Variants in ECPAS observed in about 807,000 individuals in gnomAD.
The protein encoded by ECPAS is proteasome adapter and scaffold protein ECM29.
A neutral mutation model predicts 255.1 loss-of-function variants in ECPAS; 70 were observed. The observed-to-expected ratio is 0.27, with a 90% CI of 0.23 to 0.33. The LOEUF (loss-of-function observed/expected upper bound fraction) is 0.33, where lower values mean the gene tolerates loss of function less well. Ranked by LOEUF, ECPAS falls within the 10% of genes least tolerant of loss-of-function variation. The pLI, the probability that ECPAS is intolerant of heterozygous loss-of-function variation, is 1.00. For synonymous variants in ECPAS, 784 were observed against 775.0 expected, an observed-to-expected ratio of 1.01 and a Z score of -0.19; for missense variants, 1,817 against 2,206.4, an observed-to-expected ratio of 0.82 and a Z score of 3.54.
At chr9:111,444,516 A>G (rs2098250207) in intron 3 of ECPAS, 22 bp from the exon 4 acceptor site, 4 of 1,467,832 alleles carry the variant, frequency 2.7e-6, no homozygotes, top group Non-Finnish European at 3.8e-6. Flanking sequence ...AGAGATGGGA[A>G]CTAAAGTTAT....
At chr9:111,430,150 C>T (rs1015768379) in intron 9 of ECPAS, among the ~76,000 whole-genome samples, 1 of 152,164 alleles carries the variant, frequency 6.6e-6, no homozygotes, top group Middle Eastern at 3.2e-3. Context: ...GAAAACTACA[C>T]AAAATTCAAA....
At chr9:111,380,974 C>G (rs2098139869) in intron 35 of ECPAS, among the ~76,000 whole-genome samples, 1 of 152,204 alleles carries the variant, frequency 6.6e-6, no homozygotes, top group African/African-American at 2.4e-5. Flanking sequence ...CCAGAATATT[C>G]AAACTTTCTC....
intron 2 of ECPAS, among the ~76,000 whole-genome samples, chr9:111,458,180 C>T (rs1377777625): frequency 2.6e-5 from 4 of 152,066 alleles, no homozygotes; most frequent in African/African-American, 4.8e-5. Context: ...AAGGAGCCAA[C>T]GGACCTATAT....
At chr9:111,428,018 T>A in intron 10 of ECPAS, 24 bp downstream of exon 10, 1 of 1,609,458 alleles carries the variant, frequency 6.2e-7, no homozygotes, top group Non-Finnish European at 8.5e-7. Context: ...GACAGGCCAA[T>A]ATTCTCTGGA....
chr9:111,406,807 G>C (rs1029448666), intron 24 of ECPAS, among the ~76,000 whole-genome samples: 3 of 149,110 alleles, frequency 2.0e-5, no homozygotes, highest in Non-Finnish European at 4.4e-5. Flanking sequence ...AGGAGGTGAG[G>C]TGGGAGGATG....
intron 1 of ECPAS, among the ~76,000 whole-genome samples, chr9:111,477,216 C>A (rs1466068163): frequency 6.6e-6 from 1 of 152,026 alleles, no homozygotes; most frequent in Non-Finnish European, 1.5e-5. Flanking sequence ...TCAAGCAATT[C>A]TCCTGCCTCA....
intron 33 of ECPAS, 34 bp from the exon 34 acceptor site, chr9:111,384,603 T>TA (rs1230777837): frequency 1.3e-5 from 21 of 1,602,104 alleles, no homozygotes; most frequent in Non-Finnish European, 1.5e-5. Flanking sequence ...TCATACAAGT[T>TA]AGAGAGTTTC....
At chr9:111,419,267 C>T (rs929869360) in intron 16 of ECPAS, among the ~76,000 whole-genome samples, 5 of 151,646 alleles carry the variant, frequency 3.3e-5, no homozygotes, top group Admixed American at 6.6e-5. Flanking sequence ...TCCCTGATAA[C>T]AAAAAAGAAA....
intron 15 of ECPAS, 84 bp from the exon 16 acceptor site, chr9:111,420,204 A>G: frequency 1.2e-6 from 1 of 846,356 alleles, no homozygotes; most frequent in South Asian, 1.5e-5. Context: ...ATTCCAATCA[A>G]GATGAGTCTT....
At position 111,361,881 on chromosome 9, in the gene ECPAS, C is replaced by A. The variant is rs1456837295; in HGVS notation, c.*149G>T. The stretch of plus-strand genomic sequence containing the variant: ...AAAGTAAAATAAAGCTAATAAGGAA[C>A]AAAATTTAAGGCTTTTTCTTTTTAT... On this transcript the variant is annotated 3_prime_UTR_variant, in exon 50 of 50. Coordinates refer to ENST00000684092, the MANE Select transcript of ECPAS (RefSeq NM_001364929.1). 4.1e-6 allele frequency: 4 copies of A among 969,260 alleles called. No individual in the cohort carries two copies. Among genetic ancestry groups the A allele is most frequent in the African/African-American group, 1.7e-5 (1 of 59,782 alleles). 60.0% of individuals were successfully genotyped at this position (969,260 alleles called of 1,614,324 possible).
At chr9:111,478,489 G>A (rs536097596) in intron 1 of ECPAS, among the ~76,000 whole-genome samples, 1 of 151,840 alleles carries the variant, frequency 6.6e-6, no homozygotes, top group Admixed American at 6.6e-5. Flanking sequence ...ATTGCACCAC[G>A]GCACTCCAGC....
Position 111,361,817 on chromosome 9 carries a change from T to A in ECPAS, c.*213A>T. On this transcript the variant is annotated 3_prime_UTR_variant, in exon 50 of 50. Coordinates refer to ENST00000684092, the MANE Select transcript of ECPAS (RefSeq NM_001364929.1). Reference sequence around the variant, plus strand: ...ACAACCACCCCTCAAACATCCAAGGTTCCATTAAGCTCACTCAGCCCAGAT... The same window carrying A: ...ACAACCACCCCTCAAACATCCAAGGATCCATTAAGCTCACTCAGCCCAGAT... 1 of 408,416 alleles carries A rather than the reference T, an allele frequency of 2.4e-6. No homozygotes were observed. The highest frequency in any genetic ancestry group is 4.2e-6 in the Non-Finnish European group (1 of 236,166). 25.3% of individuals were successfully genotyped at this position (408,416 alleles called of 1,614,324 possible).
intron 42 of ECPAS, among the ~76,000 whole-genome samples, 161 bp downstream of exon 42, chr9:111,372,268 A>C (rs530483106): frequency 1.3e-5 from 2 of 152,324 alleles, no homozygotes; most frequent in East Asian, 3.9e-4. Context: ...TGGGTTCAAA[A>C]CTAAATGGGA....
chr9:111,404,046 A>T (rs748962918), intron 24 of ECPAS, among the ~76,000 whole-genome samples: 2 of 149,858 alleles, frequency 1.3e-5, no homozygotes, highest in Non-Finnish European at 2.9e-5. Flanking sequence ...AGAAAAATTT[A>T]AAATTTCTTG....
Position 111,373,976 on chromosome 9 carries a change from G to A in ECPAS, c.4173C>T (p.Tyr1391=). 1 of 1,611,074 alleles carries A rather than the reference G, an allele frequency of 6.2e-7. No individual in the cohort carries two copies. Among genetic ancestry groups the A allele is most frequent in the Non-Finnish European group, 8.5e-7 (1 of 1,177,222 alleles). ...CACATCCCTTGACAAACTCACCTGA[G>A]TAAGGTGTTAGGTCCTGAGGACACT... The part of the protein sequence containing the change: ...TTQCPQDLTP[Y]SGKLMSALLS... Residue 1391 remains tyrosine (Y), a synonymous_variant, in exon 39 of 50, where the codon TAC becomes TAT. Transcript: ENST00000684092.
At chr9:111,441,911 A>G (rs1014893725) in intron 5 of ECPAS, among the ~76,000 whole-genome samples, 1 of 152,206 alleles carries the variant, frequency 6.6e-6, no homozygotes, top group Non-Finnish European at 1.5e-5. Flanking sequence ...TCACCGCACC[A>G]CTTCCCAAAA....
intron 31 of ECPAS, among the ~76,000 whole-genome samples, chr9:111,388,631 C>T (rs2131597922): frequency 6.6e-6 from 1 of 151,696 alleles, no homozygotes; most frequent in Middle Eastern, 3.4e-3. Context: ...ATTACTTTTG[C>T]TACTATGTAG....
intron 17 of ECPAS, among the ~76,000 whole-genome samples, chr9:111,416,794 C>G (rs2098204284): frequency 6.6e-6 from 1 of 152,108 alleles, no homozygotes; most frequent in Non-Finnish European, 1.5e-5. Context: ...CTAGGATCAC[C>G]AGTGGAGGTA....
intron 3 of ECPAS, among the ~76,000 whole-genome samples, chr9:111,447,692 T>A (rs549311623): frequency 8.9e-4 from 135 of 152,212 alleles, no homozygotes; most frequent in Middle Eastern, 3.4e-3. Flanking sequence ...TTTTCCAACT[T>A]AACCAATTTG....
Sources: allele counts gnomAD v4.1 joint callset (sites outside exome capture counted in the v4.1 genomes callset), GRCh38; gene constraint gnomAD v4.1.1; transcripts MANE v1.5; gene names NCBI Gene and HGNC (gene_info 2026-07-23, HGNC 2026-07-21).